Variants in FOCAD observed in about 807,000 individuals in gnomAD.
FOCAD encodes focadhesin.
In FOCAD, 198 loss-of-function variants were observed where a neutral mutation model predicts 225.6. The observed-to-expected ratio is 0.88, with a 90% CI of 0.78 to 0.99. The LOEUF is 0.99. Ranked by LOEUF, FOCAD falls within the 50% of genes least tolerant of loss-of-function variation. FOCAD has a pLI of 0.00. For missense variants in FOCAD, 2,713 were observed against 2,123.6 expected, an observed-to-expected ratio of 1.28 and a Z score of -5.46; for synonymous variants, 897 against 755.0, an observed-to-expected ratio of 1.19 and a Z score of -3.08.
At chr9:20,958,454 A>G (rs1037196943) in intron 35 of FOCAD, among the ~76,000 whole-genome samples, 2 of 152,050 alleles carry the variant, frequency 1.3e-5, no homozygotes, top group Non-Finnish European at 2.9e-5. Flanking sequence ...GTACATAGAG[A>G]TGTTCTGATG....
intron 28 of FOCAD, 30 bp from the exon 29 acceptor site, chr9:20,944,597 C>G (rs772719701): frequency 1.2e-6 from 2 of 1,602,934 alleles, no homozygotes; most frequent in Non-Finnish European, 1.7e-6. Context: ...TTCTTATGAT[C>G]CTAACATCTT....
chr9:20,987,137 G>A (rs1381527085), intron 40 of FOCAD, among the ~76,000 whole-genome samples: 1 of 152,132 alleles, frequency 6.6e-6, no homozygotes, highest in African/African-American at 2.4e-5. Flanking sequence ...GTGCGACTCT[G>A]GACAAATTGC....
At chr9:20,682,952 G>T (rs1026064828), upstream of FOCAD, among the ~76,000 whole-genome samples, 1 of 151,660 alleles carries the variant, frequency 6.6e-6, no homozygotes, top group African/African-American at 2.4e-5. Context: ...ATTTTTGTAT[G>T]TTTTTTTTAG....
intron 21 of FOCAD, among the ~76,000 whole-genome samples, chr9:20,901,950 A>T (rs1259281062): frequency 6.6e-6 from 1 of 151,784 alleles, no homozygotes. Flanking sequence ...GTGCCTATTT[A>T]AAAAAAGTTT....
chr9:20,776,888 A>T (rs1401082073), intron 8 of FOCAD, among the ~76,000 whole-genome samples: 1 of 152,190 alleles, frequency 6.6e-6, no homozygotes, highest in Non-Finnish European at 1.5e-5. Flanking sequence ...AATGAAATAG[A>T]GGAAGGTATA....
Position 20,740,321 on chromosome 9 carries a change from C to G in FOCAD, c.373C>G (p.Gln125Glu). The part of the protein sequence containing the change: ...KEGQGGEKNI[Q>E]SIYTIRNHPH... ...AGGACAAGGTGGGGAAAAGAATATT[C>G]AGAGTATATATACCATTAGGTAAGC... Residue 125 changes from glutamine to glutamate, a missense_variant, in exon 5 of 44, where the codon CAG becomes GAG. Coordinates refer to ENST00000338382, the MANE Select transcript of FOCAD (RefSeq NM_001375567.1). 6.2e-7 allele frequency: 1 copy of G among 1,603,300 alleles called. No individual in the cohort carries two copies. Among genetic ancestry groups the G allele is most frequent in the Non-Finnish European group, 8.5e-7 (1 of 1,171,408 alleles).
Position 20,995,604 on chromosome 9 carries a change from T to C in FOCAD, c.5381T>C (p.Val1794Ala). The C allele has an allele frequency of 6.2e-7, 1 of 1,612,964 alleles. No homozygotes were observed. The highest frequency in any genetic ancestry group is 8.5e-7 in the Non-Finnish European group (1 of 1,179,024). ...RVLPEFKKKAVWTRAYGW is the reference protein window; with the variant it reads ...RVLPEFKKKAAWTRAYGW ...CTCCCAGAGTTTAAGAAGAAAGCTG[T>C]ATGGACCAGAGCATATGGTTGGTGA... The change falls in exon 44 of 44, where the codon GTA becomes GCA. Residue 1794 changes from valine to alanine, a missense_variant. By Grantham distance (64) the Val-to-Ala change is moderately conservative (BLOSUM62 0). Transcript: ENST00000338382.
intron 35 of FOCAD, among the ~76,000 whole-genome samples, chr9:20,965,031 A>G (rs571954675): frequency 6.6e-6 from 1 of 152,192 alleles, no homozygotes; most frequent in African/African-American, 2.4e-5. Context: ...ATTTATATTC[A>G]TCAACATATA....
At chr9:20,876,479 A>G (rs1425501640) in intron 19 of FOCAD, among the ~76,000 whole-genome samples, 2 of 152,100 alleles carry the variant, frequency 1.3e-5, no homozygotes, top group Non-Finnish European at 2.9e-5. Flanking sequence ...TCTTCTCAGT[A>G]CAGAATGTGC....
chr9:20,684,132 G>C (rs1347591672), upstream of FOCAD: 1 of 152,308 alleles, frequency 6.6e-6, no homozygotes, highest in Non-Finnish European at 1.5e-5. Context: ...GCGCGTGCGC[G>C]CGAGCCGGGG....
Position 20,933,091 on chromosome 9 carries a change from G to A in FOCAD, c.3395G>A (p.Ser1132Asn), listed in dbSNP as rs753172966. 2 of 1,613,186 alleles carry A rather than the reference G, an allele frequency of 1.2e-6. No homozygotes were observed. Among genetic ancestry groups the A allele is most frequent in the Admixed American group, 3.3e-5 (2 of 60,012 alleles). The change falls in exon 28 of 44, where the codon AGT becomes AAT. Residue 1132 changes from serine (S) to asparagine (N), a missense_variant. Coordinates refer to ENST00000338382, the MANE Select transcript of FOCAD (RefSeq NM_001375567.1). The part of the protein sequence containing the change: ...DALENCCFDT[S>N]LEYNTGCILG... ...CTGGAAAATTGCTGCTTTGACACTAGTCTTGAATACAAGTATGTTGTTCCT... is the reference window on the plus strand; with the variant it reads ...CTGGAAAATTGCTGCTTTGACACTAATCTTGAATACAAGTATGTTGTTCCT...
chr9:20,919,993 A>G (rs78096737), intron 24 of FOCAD, among the ~76,000 whole-genome samples: 142,599 of 150,202 alleles, frequency 0.95, 68,092 homozygotes, highest in Non-Finnish European at 1. Context: ...GCTTCAGCAC[A>G]GCAAAAGAAA....
Position 20,665,721 on chromosome 9 carries a change from G to A in FOCAD, c.-78+6895G>A, listed in dbSNP as rs1045903807. Among the ~76,000 whole-genome samples, 3 of 152,060 alleles carry A rather than the reference G, an allele frequency of 2.0e-5. No homozygotes were observed. In the South Asian group the frequency reaches 6.2e-4, roughly 32 times the overall value. On this transcript the variant is annotated intron_variant, in intron 2 of 45. Transcript: ENST00000380249. ...CCGGGTTTTAATCTCTTGTTACCCA[G>A]AATATAATTGAAATATATTATTTTA...
At chr9:20,696,605 A>T (rs930453218) in intron 1 of FOCAD, among the ~76,000 whole-genome samples, 3 of 152,128 alleles carry the variant, frequency 2.0e-5, no homozygotes, top group Admixed American at 2.0e-4. Context: ...GGAGTTTGAG[A>T]CCAGCCTGGG....
intron 8 of FOCAD, among the ~76,000 whole-genome samples, chr9:20,773,065 A>G (rs1818397791): frequency 6.6e-6 from 1 of 152,100 alleles, no homozygotes; most frequent in South Asian, 2.1e-4. Context: ...CAGTTCTGTT[A>G]ACTGTAAATG....
At chr9:20,695,451 T>A (rs1396874993) in intron 1 of FOCAD, among the ~76,000 whole-genome samples, 1 of 152,226 alleles carries the variant, frequency 6.6e-6, no homozygotes, top group African/African-American at 2.4e-5. Context: ...AAGATTTTTC[T>A]TAAGCCCGTA....
chr9:20,728,119 TGGTAGAGC>T (rs1826358844), intron 4 of FOCAD, among the ~76,000 whole-genome samples: 1 of 152,200 alleles, frequency 6.6e-6, no homozygotes, highest in Non-Finnish European at 1.5e-5. Flanking sequence ...TTAGTGTAGT[TGGTAGAGC>T]TTGACTAAAA....
At chr9:20,902,978 T>G in intron 21 of FOCAD, among the ~76,000 whole-genome samples, 1 of 152,112 alleles carries the variant, frequency 6.6e-6, no homozygotes, top group East Asian at 1.9e-4. Context: ...TTTTCAATTC[T>G]ATTTTTATTT....
At chr9:20,961,649 G>C (rs1231023977) in intron 35 of FOCAD, among the ~76,000 whole-genome samples, 2 of 152,098 alleles carry the variant, frequency 1.3e-5, no homozygotes, top group Non-Finnish European at 2.9e-5. Flanking sequence ...GGTTCAATCT[G>C]TCTTTCTTTT....
Sources: allele counts gnomAD v4.1 joint callset (sites outside exome capture counted in the v4.1 genomes callset), GRCh38; gene constraint gnomAD v4.1.1; transcripts MANE v1.5; gene names NCBI Gene and HGNC (gene_info 2026-07-23, HGNC 2026-07-21).